ARF3: variants seen among roughly 807,000 people sequenced by gnomAD.
The protein encoded by ARF3 is ADP-ribosylation factor 3.
A neutral mutation model predicts 19.3 loss-of-function variants in ARF3; 5 were observed. The ratio of observed to expected loss-of-function variants is 0.26; its 90% CI spans 0.14 to 0.54. ARF3 has a LOEUF of 0.54. Ranked by LOEUF, ARF3 falls within the 20% of genes least tolerant of loss-of-function variation. The pLI, the probability that ARF3 is intolerant of heterozygous loss-of-function variation, is 0.95. For synonymous variants in ARF3, 71 were observed against 89.2 expected (o/e 0.80, Z 1.15); for missense variants, 77 against 234.2 (o/e 0.33, Z 4.38).
At chr12:48,956,472 C>T (rs796955179) in intron 1 of ARF3, 16 of 152,306 alleles carry the variant, frequency 1.1e-4, no homozygotes, top group African/African-American at 3.9e-4. Context: ...AACTCCCGCC[C>T]CTTCCCTCAA....
At chr12:48,957,063 C>G (rs758793371) in intron 1 of ARF3, 6 of 152,388 alleles carry the variant, frequency 3.9e-5, no homozygotes, top group Non-Finnish European at 7.3e-5. Flanking sequence ...AGGTCGCCCC[C>G]TTGAGCGAGG....
At chr12:48,951,412 T>C (rs574025330) in intron 1 of ARF3, among the ~76,000 whole-genome samples, 2 of 150,420 alleles carry the variant, frequency 1.3e-5, no homozygotes, top group African/African-American at 4.9e-5. Context: ...AATACAAAAT[T>C]AGCTGGGCAT....
At position 48,935,944 on chromosome 12, in the gene ARF3, G is replaced by C. The variant is rs1377960197; in HGVS notation, c.*3003C>G. 6.6e-6 allele frequency: 1 copy of C among 152,230 alleles called. No individual in the cohort carries two copies. Among genetic ancestry groups the C allele is most frequent in the Non-Finnish European group, 1.5e-5 (1 of 68,052 alleles). The allele number at this position is 152,230 out of a possible 1,614,324, so 9.4% of individuals were successfully genotyped here. ...TTCAGGTTTAAACCCTTTAGAACTA[G>C]AGGAGGAAAGTCACGAAGCCCTCAC... On this transcript the variant is annotated 3_prime_UTR_variant, in exon 5 of 5. Coordinates refer to ENST00000256682, the MANE Select transcript of ARF3 (RefSeq NM_001659.3).
At chr12:48,944,934 G>A (rs1236186338) in intron 1 of ARF3, among the ~76,000 whole-genome samples, 1 of 151,960 alleles carries the variant, frequency 6.6e-6, no homozygotes, top group Non-Finnish European at 1.5e-5. Context: ...CGTATCACCT[G>A]AGGCTGGGAG....
intron 1 of ARF3, among the ~76,000 whole-genome samples, chr12:48,949,278 T>C (rs997591449): frequency 2.6e-5 from 4 of 152,162 alleles, no homozygotes; most frequent in African/African-American, 4.8e-5. Flanking sequence ...CGGGTTGCAG[T>C]GCAGTGGCGC....
intron 1 of ARF3, among the ~76,000 whole-genome samples, chr12:48,946,994 G>A (rs1348503847): frequency 6.6e-6 from 1 of 152,196 alleles, no homozygotes; most frequent in South Asian, 2.1e-4. Flanking sequence ...CTGCTGCCAG[G>A]CAGAGTGCAG....
chr12:48,941,967 A>T (rs1435874434), intron 1 of ARF3, among the ~76,000 whole-genome samples: 5 of 152,138 alleles, frequency 3.3e-5, no homozygotes, highest in Non-Finnish European at 7.4e-5. Context: ...GCAATGAGGC[A>T]GTCATCTCAT....
intron 1 of ARF3, among the ~76,000 whole-genome samples, chr12:48,949,522 G>A (rs1267954023): frequency 1.3e-5 from 2 of 151,908 alleles, no homozygotes; most frequent in South Asian, 2.1e-4. Flanking sequence ...ACTGCACCTG[G>A]CCTGAACATG....
rs1473291751 is a variant in ARF3 at position 48,939,280 on chromosome 12, A to C, written c.385-172T>G. 1.3e-5 allele frequency among the ~76,000 whole-genome samples: 2 copies of C among 152,168 alleles called. No individual in the cohort carries two copies. The highest frequency in any genetic ancestry group is 2.9e-5 in the Non-Finnish European group (2 of 68,034). ...TGGATTTAGTCACCTAGAACTCAAG[A>C]TCCAAAGCACTAGAGGTCACTGTAC... On this transcript the variant is annotated intron_variant, in intron 4 of 4. Transcript: ENST00000256682. This position sits in a 1 kb window ranked among gnomAD's most constrained non-coding sequence, Gnocchi z 4.8.
intron 1 of ARF3, among the ~76,000 whole-genome samples, chr12:48,950,586 T>C (rs1480175244): frequency 6.6e-6 from 1 of 152,160 alleles, no homozygotes; most frequent in Admixed American, 6.5e-5. Context: ...ACATTCACAC[T>C]GTAGTGTAAC....
rs953569218 is a variant in ARF3, at chr12:48,944,060, C to T, written c.-93-2872G>A. Among the ~76,000 whole-genome samples, 3 of 152,346 alleles carry T rather than the reference C, an allele frequency of 2.0e-5. 1 individual carries two copies. In the South Asian group the frequency reaches 6.2e-4, roughly 32 times the overall value. On this transcript the variant is annotated intron_variant, in intron 1 of 4. Transcript: ENST00000256682. ...ACACCTCATGAAATTTAAACCTTTC[C>T]CAAGTCTTCCTAGTCTTCTAGCCTT...
At chr12:48,950,576 A>G (rs1230880033) in intron 1 of ARF3, among the ~76,000 whole-genome samples, 1 of 152,156 alleles carries the variant, frequency 6.6e-6, no homozygotes, top group Non-Finnish European at 1.5e-5. Context: ...AGCGTTAAGT[A>G]CATTCACACT....
chr12:48,953,686 T>C (rs1257218585), intron 1 of ARF3, among the ~76,000 whole-genome samples: 1 of 152,222 alleles, frequency 6.6e-6, no homozygotes, highest in Admixed American at 6.5e-5. Flanking sequence ...CCACATGGTG[T>C]GGCAGATCCT....
intron 1 of ARF3, among the ~76,000 whole-genome samples, chr12:48,951,141 CGTTT>C (rs1940460588): frequency 1.3e-5 from 2 of 152,168 alleles, no homozygotes; most frequent in African/African-American, 4.8e-5. Context: ...ATCCTCTCAG[CGTTT>C]TAGACACGTG....
At chr12:48,953,675 T>C (rs1233826675) in intron 1 of ARF3, among the ~76,000 whole-genome samples, 3 of 152,212 alleles carry the variant, frequency 2.0e-5, no homozygotes, top group Non-Finnish European at 4.4e-5. Context: ...TCCTTTCTGG[T>C]CCACATGGTG....
chr12:48,945,140 TAAAAA>T (rs36072910), intron 1 of ARF3, among the ~76,000 whole-genome samples: 11 of 92,274 alleles, frequency 1.2e-4, no homozygotes, highest in Admixed American at 2.4e-4. Context: ...GACTCTGTCT[TAAAAA>T]AAAAAAAAAA....
chr12:48,939,800 C>G lies in ARF3; in HGVS notation c.260-21G>C. On this transcript the variant is annotated intron_variant, in intron 3 of 4. Coordinates refer to ENST00000256682, the MANE Select transcript of ARF3 (RefSeq NM_001659.3). This position sits in a 1 kb window ranked among gnomAD's most constrained non-coding sequence, Gnocchi z 4.8. ...CAACCCTAGGAAGGCAGAGCATGGG[C>G]TGCACTAAGATGACAGGTAACCCCC... 4 of 1,613,812 alleles carry G rather than the reference C, an allele frequency of 2.5e-6. No homozygotes were observed. The highest frequency in any genetic ancestry group is 1.3e-5 in the African/African-American group (1 of 75,038).
intron 1 of ARF3, among the ~76,000 whole-genome samples, chr12:48,942,196 T>C (rs984599836): frequency 4.6e-5 from 7 of 151,848 alleles, no homozygotes; most frequent in African/African-American, 1.7e-4. Flanking sequence ...ACTCTCTCTT[T>C]GCTTACTCCA....
At chr12:48,943,071 C>A (rs978275656) in intron 1 of ARF3, among the ~76,000 whole-genome samples, 2 of 152,148 alleles carry the variant, frequency 1.3e-5, no homozygotes, top group African/African-American at 4.8e-5. Flanking sequence ...CACGCCACTG[C>A]GCTCCAGCCT....
Sources: allele counts gnomAD v4.1 joint callset (sites outside exome capture counted in the v4.1 genomes callset), GRCh38; gene constraint gnomAD v4.1.1; non-coding constraint Gnocchi (gnomAD v3.1); transcripts MANE v1.5; gene names NCBI Gene and HGNC (gene_info 2026-07-23, HGNC 2026-07-21).